TLL1: variants seen among roughly 807,000 people sequenced by gnomAD.
TLL1 encodes tolloid-like protein 1.
A neutral mutation model predicts 128.2 loss-of-function variants in TLL1; 49 were observed. The observed-to-expected ratio is 0.38, with a 90% CI of 0.30 to 0.48. The LOEUF (loss-of-function observed/expected upper bound fraction) is 0.48. Ranked by LOEUF, TLL1 falls within the 20% of genes least tolerant of loss-of-function variation. TLL1 has a pLI of 0.96. For missense variants in TLL1, 1,123 were observed against 1,242.0 expected (o/e 0.90, Z 1.44); for synonymous variants, 454 against 418.8 (o/e 1.08, Z -1.03).
At chr4:165,998,332 A>G (rs891685931) in intron 5 of TLL1, among the ~76,000 whole-genome samples, 28 of 152,126 alleles carry the variant, frequency 1.8e-4, no homozygotes, top group Middle Eastern at 3.2e-3. Flanking sequence ...TCCTTTTATT[A>G]GATAATTTTT....
At position 165,974,382 on chromosome 4, in the gene TLL1, C is replaced by T. The variant is rs1163462596; in HGVS notation, c.170-14999C>T. On this transcript the variant is annotated intron_variant, in intron 1 of 20. Transcript: ENST00000061240. ...GCCTCGATCTCCTGACCTCGTGATC[C>T]GCCCGCCTCGGCCTCCCAAAGTGCT... 3.3e-5 allele frequency among the ~76,000 whole-genome samples: 5 copies of T among 150,654 alleles called. 1 individual carries two copies. The highest frequency in any genetic ancestry group is 2.0e-4 in the East Asian group (1 of 5,126).
chr4:166,038,551 G>C (rs377654206), intron 9 of TLL1, among the ~76,000 whole-genome samples: 2 of 151,726 alleles, frequency 1.3e-5, no homozygotes, highest in South Asian at 4.2e-4. Context: ...GCGTAAGTTT[G>C]GCTTTACTTT....
chr4:165,908,011 C>A (rs1434115488), intron 1 of TLL1, among the ~76,000 whole-genome samples: 26 of 152,144 alleles, frequency 1.7e-4, no homozygotes, highest in Admixed American at 1.7e-3. Flanking sequence ...AAGTGCTTCA[C>A]AATAGGTGTG....
At chr4:166,062,945 T>C (rs1740398451) in intron 15 of TLL1, among the ~76,000 whole-genome samples, 1 of 152,212 alleles carries the variant, frequency 6.6e-6, no homozygotes. Context: ...TTGCATTTTG[T>C]CAAAGGCCTT....
At chr4:166,065,886 T>C (rs1465194065) in intron 16 of TLL1, 23 bp downstream of exon 16, 4 of 1,607,888 alleles carry the variant, frequency 2.5e-6, no homozygotes, top group Non-Finnish European at 3.4e-6. Context: ...ACATGTTGTA[T>C]GTGTATATTA....
chr4:165,896,479 CTTTTTTT>C (rs70955648), intron 1 of TLL1, among the ~76,000 whole-genome samples: 3 of 102,162 alleles, frequency 2.9e-5, no homozygotes, highest in African/African-American at 1.1e-4. Context: ...AATGGTATTT[CTTTTTTT>C]TTTTTTTTTT....
intron 1 of TLL1, among the ~76,000 whole-genome samples, chr4:165,980,854 A>G (rs1223195954): frequency 6.6e-6 from 1 of 152,132 alleles, no homozygotes; most frequent in East Asian, 1.9e-4. Context: ...TATAAGTTCA[A>G]TACATTATAA....
rs571475135 is a variant in TLL1, at chr4:165,891,939, G to A, written c.169+17866G>A. Among the ~76,000 whole-genome samples the A allele has an allele frequency of 1.2e-3, 186 of 152,272 alleles. 1 individual carries two copies. Among genetic ancestry groups the A allele is most frequent in the Non-Finnish European group, 2.3e-3 (156 of 68,020 alleles). Reference sequence around the variant, plus strand: ...ACTGTATTAGTCCTCATGCTGCTAAGAAAGACAAACCTGAGACTGGGTAAT... The same window carrying A: ...ACTGTATTAGTCCTCATGCTGCTAAAAAAGACAAACCTGAGACTGGGTAAT... On this transcript the variant is annotated intron_variant, in intron 1 of 20. Coordinates refer to ENST00000061240, the MANE Select transcript of TLL1 (RefSeq NM_012464.5).
chr4:166,091,666 C>T (rs973762513), intron 19 of TLL1, among the ~76,000 whole-genome samples: 1 of 152,038 alleles, frequency 6.6e-6, no homozygotes, highest in Non-Finnish European at 1.5e-5. Context: ...GTTTGATTTA[C>T]ATGTTATATT....
intron 19 of TLL1, among the ~76,000 whole-genome samples, chr4:166,096,226 T>C (rs1742013215): frequency 6.7e-6 from 1 of 148,852 alleles, no homozygotes; most frequent in African/African-American, 2.6e-5. Flanking sequence ...TGTGTGTGTG[T>C]GTGTGTGTGT....
chr4:166,003,897 T>G (rs1737282360), intron 6 of TLL1, among the ~76,000 whole-genome samples: 1 of 151,990 alleles, frequency 6.6e-6, no homozygotes, highest in South Asian at 2.1e-4. Flanking sequence ...TACTGAAGCA[T>G]TTTTTGTACT....
chr4:166,055,365 A>G, intron 13 of TLL1, 94 bp downstream of exon 13: 3 of 1,109,628 alleles, frequency 2.7e-6, no homozygotes, highest in Non-Finnish European at 4.0e-6. Context: ...AGAAAGTTGT[A>G]TTGAAAGTTG....
intron 6 of TLL1, 63 bp from the exon 7 acceptor site, chr4:166,007,880 C>A (rs1178445567): frequency 2.6e-5 from 27 of 1,019,120 alleles, no homozygotes; most frequent in Non-Finnish European, 3.6e-5. Context: ...GTAGGAAAGG[C>A]CTTCTGGTCT....
intron 1 of TLL1, among the ~76,000 whole-genome samples, chr4:165,972,234 C>G (rs1735662129): frequency 6.6e-6 from 1 of 152,258 alleles, no homozygotes; most frequent in South Asian, 2.1e-4. Context: ...TCTATTATTT[C>G]CAGAAAAGCC....
At chr4:166,006,577 G>C (rs1737439293) in intron 6 of TLL1, among the ~76,000 whole-genome samples, 1 of 151,798 alleles carries the variant, frequency 6.6e-6, no homozygotes, top group East Asian at 1.9e-4. Flanking sequence ...TCATAGATTT[G>C]TTATATTAGA....
At chr4:166,043,559 G>T in intron 12 of TLL1, 140 bp downstream of exon 12, 1 of 1,262,502 alleles carries the variant, frequency 7.9e-7, no homozygotes, top group Non-Finnish European at 1.1e-6. Context: ...CTCATAAAAT[G>T]CAACATCAAG....
intron 18 of TLL1, among the ~76,000 whole-genome samples, chr4:166,083,214 G>A (rs1319383088): frequency 1.5e-5 from 1 of 65,280 alleles, no homozygotes; most frequent in African/African-American, 3.1e-5. Context: ...TTTAGGCAGG[G>A]TGGGAAAATA....
At chr4:166,041,357 G>C (rs1739232725) in intron 10 of TLL1, among the ~76,000 whole-genome samples, 1 of 149,544 alleles carries the variant, frequency 6.7e-6, no homozygotes, top group Non-Finnish European at 1.5e-5. Flanking sequence ...CTGGAGTGCA[G>C]TGGTGCCATC....
intron 1 of TLL1, among the ~76,000 whole-genome samples, chr4:165,913,097 C>T (rs985049815): frequency 1.3e-5 from 2 of 152,072 alleles, no homozygotes; most frequent in Non-Finnish European, 2.9e-5. Context: ...CCAATGGATA[C>T]TTTTCTTATT....
Sources: gnomAD v4.1 joint callset for allele counts (sites outside exome capture counted in the v4.1 genomes callset) on GRCh38, gnomAD v4.1.1 for gene constraint, MANE v1.5 for transcripts, NCBI Gene and HGNC (gene_info 2026-07-23, HGNC 2026-07-21) for gene names.